The following MFF variants were observed in gnomAD, a reference collection of about 807,000 sequenced individuals.
MFF encodes the protein mitochondrial fission factor.
Under a neutral mutation model 36.9 loss-of-function variants are expected in MFF, and 12 were observed. The ratio of observed to expected loss-of-function variants is 0.33; its 90% confidence interval spans 0.21 to 0.53. The LOEUF is 0.53. Ranked by LOEUF, MFF falls within the 20% of genes least tolerant of loss-of-function variation. The pLI, the probability that MFF is intolerant of heterozygous loss-of-function variation, is 0.95. For missense variants in MFF, 348 were observed against 366.6 expected (o/e 0.95, Z 0.42); for synonymous variants, 99 against 126.2 (o/e 0.78, Z 1.44).
In MFF at chr2:227,355,751, T is replaced by C; in HGVS notation, c.734T>C (p.Leu245Pro). The change falls in exon 8 of 9, where the codon CTA becomes CCA. Residue 245 changes from leucine to proline, a missense_variant. Transcript: ENST00000304593. Reference protein sequence around the residue: ...DDLTVVDAASLRRQIIKLNRR... With the variant: ...DDLTVVDAASPRRQIIKLNRR... ...CTGACTGTTGTAGATGCAGCTTCAC[T>C]AAGACGACAGGTATTTAGTGTACCA... is the stretch of plus-strand genomic sequence containing the variant. 1.3e-6 allele frequency: 2 copies of C among 1,599,090 alleles called. No homozygotes were observed. Among genetic ancestry groups the C allele is most frequent in the Non-Finnish European group, 1.7e-6 (2 of 1,166,602 alleles).
chr2:227,329,865 A>G (rs2074444814), intron 2 of MFF: 3 of 867,316 alleles, frequency 3.5e-6, no homozygotes, highest in Non-Finnish European at 5.4e-6. Flanking sequence ...TAGGCTAACC[A>G]TGCTCTTTTA....
chr2:227,336,457 A>G (rs983039182), intron 4 of MFF, among the ~76,000 whole-genome samples: 12 of 152,254 alleles, frequency 7.9e-5, no homozygotes, highest in East Asian at 1.9e-4. Flanking sequence ...AGAATCGTCA[A>G]TAGTTAGGAA....
At chr2:227,342,684 C>A in intron 5 of MFF, 2 of 1,353,802 alleles carry the variant, frequency 1.5e-6, no homozygotes, top group Non-Finnish European at 2.1e-6. Flanking sequence ...AAAATCAGAT[C>A]TAGCTTTTTC....
intron 4 of MFF, among the ~76,000 whole-genome samples, chr2:227,335,043 C>G (rs62279171): frequency 1.3e-5 from 2 of 151,438 alleles, no homozygotes; most frequent in African/African-American, 4.9e-5. Context: ...GTGGTGTGGA[C>G]GCCTGTAATC....
At chr2:227,344,745 G>A (rs1168653537) in intron 5 of MFF, among the ~76,000 whole-genome samples, 1 of 1,236 alleles carries the variant, frequency 8.1e-4, no homozygotes, top group South Asian at 0.056. Flanking sequence ...AAATACTCCC[G>A]ATTTCGTTTT....
At chr2:227,337,257 G>A (rs534317151) in intron 4 of MFF, among the ~76,000 whole-genome samples, 7 of 152,320 alleles carry the variant, frequency 4.6e-5, no homozygotes, top group East Asian at 1.9e-4. Context: ...CCCAAAACCC[G>A]CAGTCACTGG....
chr2:227,346,196 G>A (rs1402378804), intron 5 of MFF: 1 of 166,840 alleles, frequency 6.0e-6, no homozygotes, highest in African/African-American at 2.4e-5. Flanking sequence ...TTTTTCAATT[G>A]TTTACCATCT....
At chr2:227,355,806 A>C in intron 8 of MFF, 45 bp downstream of exon 8, 1 of 1,220,746 alleles carries the variant, frequency 8.2e-7, no homozygotes. Flanking sequence ...TTATATTCAT[A>C]CAATATTTTA....
At chr2:227,354,855 G>A (rs1354102671) in intron 7 of MFF, among the ~76,000 whole-genome samples, 1 of 152,112 alleles carries the variant, frequency 6.6e-6, no homozygotes, top group Non-Finnish European at 1.5e-5. Context: ...TAGAGCATAA[G>A]TAATTGGAAA....
chr2:227,340,378 T>G lies in MFF; in HGVS notation c.438T>G (p.Ser146=). 6.2e-7 allele frequency: 1 copy of G among 1,610,792 alleles called. No homozygotes were observed. The highest frequency in any genetic ancestry group is 8.5e-7 in the Non-Finnish European group (1 of 1,177,476). ...RQNGQLVRND[S]LVTPSPQQAR... ...ATGGACAGCTGGTCAGAAATGATTC[T>G]CTGTGAGTAGAAGCACTAGCATTTT... The change falls in exon 5 of 9, where the codon TCT becomes TCG. Residue 146 remains serine, a splice_region_variant and synonymous_variant. Transcript: ENST00000304593.
At chr2:227,349,201 G>T (rs1307624633) in intron 6 of MFF, among the ~76,000 whole-genome samples, 1 of 151,836 alleles carries the variant, frequency 6.6e-6, no homozygotes, top group African/African-American at 2.4e-5. Context: ...AAAATTATTT[G>T]TCCCAATTCC....
intron 6 of MFF, among the ~76,000 whole-genome samples, chr2:227,349,011 A>G (rs1325065387): frequency 6.6e-6 from 1 of 152,166 alleles, no homozygotes; most frequent in Admixed American, 6.6e-5. Flanking sequence ...CTTTTTAATT[A>G]CAATAAGTCC....
Position 227,350,785 on chromosome 2 carries a change from T to A in MFF, c.600-1729T>A, listed in dbSNP as rs554965619. ...CGGAGCTTGGTGGTAGCCTTGGATT[T>A]CTTTCCCTTTTGCCACTCTACAAAA... On this transcript the variant is annotated intron_variant, in intron 6 of 8. Coordinates refer to ENST00000304593, the MANE Select transcript of MFF (RefSeq NM_001277062.2). 5.3e-5 allele frequency among the ~76,000 whole-genome samples: 8 copies of A among 152,312 alleles called. No individual in the cohort carries two copies. The South Asian group carries it at 1.7e-3, about 32-fold the overall frequency.
intron 3 of MFF, among the ~76,000 whole-genome samples, chr2:227,332,183 G>A (rs568480337): frequency 3.3e-5 from 5 of 150,882 alleles, no homozygotes; most frequent in East Asian, 1.9e-4. Context: ...CGTTTTAGCC[G>A]GGATGGTCTC....
chr2:227,356,886 T>G, intron 8 of MFF, 100 bp from the exon 9 acceptor site: 1 of 929,372 alleles, frequency 1.1e-6, no homozygotes, highest in East Asian at 2.5e-5. Flanking sequence ...AATAATACTT[T>G]TGTTGACAAA....
At chr2:227,328,316 A>C (rs2074319746) in intron 1 of MFF, among the ~76,000 whole-genome samples, 2 of 148,606 alleles carry the variant, frequency 1.3e-5, no homozygotes, top group East Asian at 1.9e-4. Context: ...AAAAAAAAAA[A>C]AAAACCAATT....
At chr2:227,355,867 A>AC in intron 8 of MFF, 106 bp downstream of exon 8, 1 of 674,634 alleles carries the variant, frequency 1.5e-6, no homozygotes, top group Non-Finnish European at 2.6e-6. Context: ...GGACTATCAA[A>AC]CTAGTAAGCC....
intron 1 of MFF, among the ~76,000 whole-genome samples, chr2:227,328,297 A>G (rs1314788946): frequency 1.1e-5 from 1 of 95,218 alleles, no homozygotes; most frequent in Non-Finnish European, 2.0e-5. Context: ...CCGGGTGACA[A>G]AAAAAAAAAA....
intron 6 of MFF, among the ~76,000 whole-genome samples, chr2:227,349,757 A>G (rs2075894986): frequency 6.6e-6 from 1 of 152,150 alleles, no homozygotes; most frequent in Admixed American, 6.6e-5. Flanking sequence ...AAATTTGGAT[A>G]ATGTTCTACT....
Sources: allele counts gnomAD v4.1 joint callset (sites outside exome capture counted in the v4.1 genomes callset), GRCh38; gene constraint gnomAD v4.1.1; transcripts MANE v1.5; gene names NCBI Gene and HGNC (gene_info 2026-07-23, HGNC 2026-07-21).